The following DIP2C variants were observed in gnomAD, a reference collection of about 807,000 sequenced individuals.
The protein encoded by DIP2C is DIP2 acetate--CoA ligase C (putative).
Under a neutral mutation model 192.4 loss-of-function variants are expected in DIP2C, and 33 were observed. The ratio of observed to expected loss-of-function variants is 0.17; its 90% CI spans 0.13 to 0.23. The LOEUF (loss-of-function observed/expected upper bound fraction) is 0.23. DIP2C is among the 10% of genes least tolerant of loss of function. DIP2C has a pLI of 1.00. For synonymous variants in DIP2C, 979 were observed against 864.1 expected (o/e 1.13, Z -2.33); for missense variants, 1,537 against 2,110.1 (o/e 0.73, Z 5.32).
chr10:508,345 T>C (rs1406841788), intron 1 of DIP2C, among the ~76,000 whole-genome samples: 1 of 152,178 alleles, frequency 6.6e-6, no homozygotes, highest in Non-Finnish European at 1.5e-5. Flanking sequence ...GCCCAGGCCC[T>C]CAGCCCCTCC....
chr10:279,466 G>A lies in DIP2C; in HGVS notation c.4418+1734C>T, dbSNP rs545411695. Among the ~76,000 whole-genome samples the A allele has an allele frequency of 3.2e-4, 48 of 152,310 alleles. 2 individuals are homozygous for A. In the East Asian group the frequency reaches 8.5e-3, roughly 27 times the overall value. On this transcript the variant is annotated intron_variant, in intron 36 of 36. Coordinates refer to ENST00000280886, the MANE Select transcript of DIP2C (RefSeq NM_014974.3). ...CTCCTCTGCCAGGGACCTATGGGGT[G>A]GTGCCAGTGACTCTCAGAGCTTTTA...
At chr10:470,065 G>T (rs1003246963) in intron 3 of DIP2C, among the ~76,000 whole-genome samples, 1 of 152,154 alleles carries the variant, frequency 6.6e-6, no homozygotes, top group Non-Finnish European at 1.5e-5. Flanking sequence ...ATAGATGGAC[G>T]GATGGTGGAC....
intron 1 of DIP2C, among the ~76,000 whole-genome samples, chr10:570,442 T>C (rs1487427479): frequency 6.6e-6 from 1 of 152,052 alleles, no homozygotes. Flanking sequence ...TGATCCTGGG[T>C]CTGCATGAAT....
At position 534,357 on chromosome 10, in the gene DIP2C, C is replaced by T. The variant is rs374978696; in HGVS notation, c.86-47827G>A. Among the ~76,000 whole-genome samples the T allele has an allele frequency of 8.5e-5, 13 of 152,218 alleles. No individual in the cohort carries two copies. In the East Asian group the frequency reaches 1.3e-3, roughly 16 times the overall value. On this transcript the variant is annotated intron_variant, in intron 1 of 36. Coordinates refer to ENST00000280886, the MANE Select transcript of DIP2C (RefSeq NM_014974.3). ...AGGAGCCAGATGGTCAGGAGTTGGG[C>T]GGCAGGAGGGAAGCAGCCTGGGTCC...
intron 1 of DIP2C, among the ~76,000 whole-genome samples, chr10:603,044 C>T (rs1852196210): frequency 6.6e-6 from 1 of 152,088 alleles, no homozygotes; most frequent in Admixed American, 6.5e-5. Context: ...TAAAACCAAA[C>T]CAGCCCAGGA....
At chr10:571,047 T>C (rs1849765767) in intron 1 of DIP2C, among the ~76,000 whole-genome samples, 1 of 152,182 alleles carries the variant, frequency 6.6e-6, no homozygotes, top group African/African-American at 2.4e-5. Flanking sequence ...GGCACTGGCC[T>C]AACGACACGA....
At chr10:679,406 A>G (rs1379618292) in intron 1 of DIP2C, among the ~76,000 whole-genome samples, 3 of 20,962 alleles carry the variant, frequency 1.4e-4, no homozygotes, top group Non-Finnish European at 2.7e-4. Flanking sequence ...CATGCTCCCC[A>G]CACCCAGGCT....
At chr10:339,841 A>G (rs867438943) in intron 29 of DIP2C, among the ~76,000 whole-genome samples, 1 of 152,372 alleles carries the variant, frequency 6.6e-6, no homozygotes, top group South Asian at 2.1e-4. Context: ...TTACATTTTA[A>G]TACAACTTAA....
intron 3 of DIP2C, among the ~76,000 whole-genome samples, chr10:471,174 G>A (rs1970595045): frequency 6.6e-6 from 1 of 152,206 alleles, no homozygotes. Flanking sequence ...CCTCCTTGGA[G>A]AAGGCAGCAG....
chr10:333,297 TG>T (rs1957584689), intron 29 of DIP2C, among the ~76,000 whole-genome samples: 1 of 152,210 alleles, frequency 6.6e-6, no homozygotes, highest in African/African-American at 2.4e-5. Flanking sequence ...TTAATAAAAT[TG>T]AAGAGTTGTA....
chr10:403,833 A>C (rs578046824), intron 9 of DIP2C, among the ~76,000 whole-genome samples: 4 of 123,142 alleles, frequency 3.2e-5, no homozygotes, highest in Non-Finnish European at 5.2e-5. Flanking sequence ...TCATCAGCAC[A>C]TGAATCCTGT....
intron 30 of DIP2C, among the ~76,000 whole-genome samples, chr10:328,374 C>T: frequency 6.6e-6 from 1 of 152,216 alleles, no homozygotes; most frequent in East Asian, 1.9e-4. Flanking sequence ...CTTAATTTCT[C>T]TATGACATAA....
chr10:401,615 C>A (rs1964460472), intron 9 of DIP2C, among the ~76,000 whole-genome samples: 1 of 136,176 alleles, frequency 7.3e-6, no homozygotes, highest in Non-Finnish European at 1.6e-5. Flanking sequence ...ATTACTCTTC[C>A]TTATGGACAA....
In DIP2C at chr10:486,603, A is replaced by C. The variant is rs546335861; in HGVS notation, c.86-73T>G. The stretch of plus-strand genomic sequence containing the variant: ...CATTATCATTCAACGGTGCCCAAGA[A>C]GACACAGTTATCACAGTATCTTCTG... On this transcript the variant is annotated intron_variant, in intron 1 of 36. Coordinates refer to ENST00000280886, the MANE Select transcript of DIP2C (RefSeq NM_014974.3). 9.9e-5 allele frequency: 128 copies of C among 1,289,268 alleles called. No homozygotes were observed. The African/African-American group carries it at 1.7e-3, about 18-fold the overall frequency. The allele number at this position is 1,289,268 out of a possible 1,614,324, so 79.9% of individuals were successfully genotyped here. A position where few individuals can be genotyped will look rare whatever the true frequency, so the allele number is the denominator to read the frequency against.
chr10:401,784 A>C (rs1476243934), intron 9 of DIP2C, among the ~76,000 whole-genome samples: 5 of 150,532 alleles, frequency 3.3e-5, no homozygotes, highest in African/African-American at 1.2e-4. Context: ...TTCCTTATGG[A>C]CAAGTTTGGT....
intron 17 of DIP2C, among the ~76,000 whole-genome samples, chr10:382,209 C>T (rs1183943924): frequency 6.6e-6 from 1 of 152,110 alleles, no homozygotes; most frequent in Admixed American, 6.5e-5. Flanking sequence ...AACTATACAC[C>T]AGAGACAGAC....
At chr10:547,008 A>G (rs533082685) in intron 1 of DIP2C, among the ~76,000 whole-genome samples, 9 of 152,198 alleles carry the variant, frequency 5.9e-5, no homozygotes, top group Non-Finnish European at 1.0e-4. Context: ...CATTCTTTAG[A>G]TAAAGAAGGC....
rs56880568 is a variant in DIP2C at position 636,983 on chromosome 10, A to G, written c.85+52511T>C. On this transcript the variant is annotated intron_variant, in intron 1 of 36. Coordinates refer to ENST00000280886, the MANE Select transcript of DIP2C (RefSeq NM_014974.3). This position sits in a 1 kb window ranked among gnomAD's most constrained non-coding sequence, Gnocchi z 4.6. ...ATGGGACTCGTGTGCACCAGCACCC[A>G]CATCCCCGCATCAGAAACACCTGGA... 0.044 allele frequency among the ~76,000 whole-genome samples: 6,667 copies of G among 152,340 alleles called. 493 individuals are homozygous for G. Among genetic ancestry groups the G allele is most frequent in the African/African-American group, 0.15 (6,171 of 41,566 alleles).
At chr10:512,840 G>A (rs901604729) in intron 1 of DIP2C, among the ~76,000 whole-genome samples, 1 of 150,544 alleles carries the variant, frequency 6.6e-6, no homozygotes, top group African/African-American at 2.5e-5. Flanking sequence ...CTTCAGCCTG[G>A]GAGGTGGAAG....
Sources: allele counts gnomAD v4.1 joint callset (sites outside exome capture counted in the v4.1 genomes callset), GRCh38; gene constraint gnomAD v4.1.1; non-coding constraint Gnocchi (gnomAD v3.1); transcripts MANE v1.5; gene names NCBI Gene and HGNC (gene_info 2026-07-23, HGNC 2026-07-21).